MRPS35: variants seen among roughly 807,000 people sequenced by gnomAD.
MRPS35 encodes the protein mitochondrial ribosomal protein S35, also known as small ribosomal subunit protein mS35.
A neutral mutation model predicts 32.7 loss-of-function variants in MRPS35; 29 were observed. The ratio of observed to expected loss-of-function variants is 0.89; its 90% CI spans 0.66 to 1.21. MRPS35 has a LOEUF of 1.21. Ranked by LOEUF, MRPS35 falls within the 50% of genes most tolerant of loss-of-function variation. The probability of loss-of-function intolerance (pLI) is 0.00; values close to 1 mark genes in which losing one functional copy is unlikely to be tolerated. For missense variants in MRPS35, 373 were observed against 383.8 expected (o/e 0.97, Z 0.23); for synonymous variants, 148 against 139.3 (o/e 1.06, Z -0.44).
At chr12:27,723,916 A>C (rs1566048786) in intron 4 of MRPS35, 131 bp from the exon 5 acceptor site, 3 of 807,170 alleles carry the variant, frequency 3.7e-6, no homozygotes, top group Non-Finnish European at 3.7e-6. Flanking sequence ...ATATATGTAA[A>C]GTGCAGAAGA....
At chr12:27,712,087 G>A (rs1359434659) in intron 1 of MRPS35, among the ~76,000 whole-genome samples, 1 of 151,958 alleles carries the variant, frequency 6.6e-6, no homozygotes, top group Admixed American at 6.6e-5. Context: ...AGTGGCCACA[G>A]GATGGTCAGG....
At chr12:27,721,503 C>CA in intron 4 of MRPS35, among the ~76,000 whole-genome samples, 1 of 152,034 alleles carries the variant, frequency 6.6e-6, no homozygotes, top group Middle Eastern at 3.4e-3. Context: ...ACAAAAAACA[C>CA]AAAAAATTAG....
At position 27,727,057 on chromosome 12, in the gene MRPS35, T is replaced by A. The variant is rs140306679; in HGVS notation, c.522+2871T>A. 8.1e-5 allele frequency among the ~76,000 whole-genome samples: 12 copies of A among 148,974 alleles called. No homozygotes were observed. In the East Asian group the frequency reaches 2.4e-3, roughly 30 times the overall value. On this transcript the variant is annotated intron_variant, in intron 5 of 7. Transcript: ENST00000081029. ...CTCACTGCAAGCTCCGCCTCCTGGGTTCACAGCATTCTCCTGCCTCAGCCT... is the reference window on the plus strand; with the variant it reads ...CTCACTGCAAGCTCCGCCTCCTGGGATCACAGCATTCTCCTGCCTCAGCCT...
At chr12:27,741,181 T>C (rs548389844) in intron 7 of MRPS35, among the ~76,000 whole-genome samples, 1 of 151,712 alleles carries the variant, frequency 6.6e-6, no homozygotes, top group Non-Finnish European at 1.5e-5. Context: ...AAAAAAATAA[T>C]AATAATAATT....
At chr12:27,738,362 T>C (rs2061950573) in intron 7 of MRPS35, among the ~76,000 whole-genome samples, 1 of 152,218 alleles carries the variant, frequency 6.6e-6, no homozygotes, top group Non-Finnish European at 1.5e-5. Context: ...GTGTGTCATA[T>C]CAGTGTTCAA....
chr12:27,726,048 G>A (rs1565466522), intron 5 of MRPS35, among the ~76,000 whole-genome samples: 1 of 151,212 alleles, frequency 6.6e-6, no homozygotes, highest in Non-Finnish European at 1.5e-5. Context: ...GGACTCAGGC[G>A]ATCTGCCTGC....
intron 1 of MRPS35, 28 bp downstream of exon 1, chr12:27,710,983 C>G (rs761466009): frequency 1.3e-6 from 2 of 1,595,534 alleles, no homozygotes; most frequent in South Asian, 2.2e-5. Flanking sequence ...CTTCTCTGGG[C>G]TTTGGGGGAG....
chr12:27,711,060 G>A, intron 1 of MRPS35, 105 bp downstream of exon 1: 2 of 1,009,462 alleles, frequency 2.0e-6, no homozygotes, highest in Non-Finnish European at 3.0e-6. Context: ...GCCCGGGGGA[G>A]GCCAGTGCGT....
chr12:27,721,357 C>A (rs1485967538), intron 4 of MRPS35, among the ~76,000 whole-genome samples: 4 of 152,144 alleles, frequency 2.6e-5, no homozygotes, highest in African/African-American at 9.7e-5. Context: ...AAACTGATCA[C>A]TTCCAAATTT....
chr12:27,750,145 G>A (rs1273043304), intron 7 of MRPS35, among the ~76,000 whole-genome samples: 5 of 152,190 alleles, frequency 3.3e-5, no homozygotes. Flanking sequence ...AAATATTCAT[G>A]TATGTTGCAT....
At chr12:27,747,194 G>T (rs187693105) in intron 7 of MRPS35, among the ~76,000 whole-genome samples, 3 of 152,112 alleles carry the variant, frequency 2.0e-5, no homozygotes, top group East Asian at 1.9e-4. Context: ...TTCTCTTTGC[G>T]TATAATTCTT....
At chr12:27,712,421 GT>G (rs1566045806) in intron 1 of MRPS35, among the ~76,000 whole-genome samples, 1 of 152,178 alleles carries the variant, frequency 6.6e-6, no homozygotes, top group African/African-American at 2.4e-5. Flanking sequence ...TGTGATTTAC[GT>G]TTTTAAAAGA....
chr12:27,716,222 A>C (rs1229842432), intron 2 of MRPS35, 69 bp from the exon 3 acceptor site: 2 of 1,374,812 alleles, frequency 1.5e-6, no homozygotes, highest in African/African-American at 3.0e-5. Context: ...TTTGCTTTAA[A>C]ATTAAAATTC....
chr12:27,713,312 ATAGATG>A (rs1326705338), intron 1 of MRPS35, among the ~76,000 whole-genome samples: 2 of 152,144 alleles, frequency 1.3e-5, no homozygotes, highest in East Asian at 1.9e-4. Flanking sequence ...GTAGGATAGG[ATAGATG>A]TAGATGTAGA....
At chr12:27,741,188 A>G (rs1591801369) in intron 7 of MRPS35, among the ~76,000 whole-genome samples, 1 of 152,014 alleles carries the variant, frequency 6.6e-6, no homozygotes, top group Non-Finnish European at 1.5e-5. Flanking sequence ...TAATAATAAT[A>G]ATTAAAAAAT....
At chr12:27,751,122 A>AAAG (rs2062001068) in intron 7 of MRPS35, among the ~76,000 whole-genome samples, 2 of 148,364 alleles carry the variant, frequency 1.3e-5, no homozygotes, top group African/African-American at 2.5e-5. Context: ...AAAAAAAAAA[A>AAAG]AAAAGAAAAG....
chr12:27,723,911 T>G, intron 4 of MRPS35, 136 bp from the exon 5 acceptor site: 1 of 768,022 alleles, frequency 1.3e-6, no homozygotes, highest in Non-Finnish European at 2.0e-6. Flanking sequence ...ATGCTATATA[T>G]GTAAAGTGCA....
At chr12:27,715,012 A>C (rs946030492) in intron 2 of MRPS35, among the ~76,000 whole-genome samples, 192 bp downstream of exon 2, 12 of 152,194 alleles carry the variant, frequency 7.9e-5, no homozygotes, top group African/African-American at 2.9e-4. Flanking sequence ...GATCTTTGAG[A>C]GGTTGACTTA....
chr12:27,751,143 GGAAAAGAAAAAA>G (rs909032330), intron 7 of MRPS35, among the ~76,000 whole-genome samples: 4 of 140,166 alleles, frequency 2.9e-5, no homozygotes, highest in African/African-American at 1.0e-4. Context: ...AAAAGAAAAA[GGAAAAGAAAAAA>G]GAAAATGTGA....
Sources: allele counts gnomAD v4.1 joint callset (sites outside exome capture counted in the v4.1 genomes callset), GRCh38; gene constraint gnomAD v4.1.1; transcripts MANE v1.5; gene names NCBI Gene and HGNC (gene_info 2026-07-23, HGNC 2026-07-21).